The following PTPRT variants were observed in gnomAD, a reference collection of about 807,000 sequenced individuals.
PTPRT encodes protein tyrosine phosphatase receptor type T.
A neutral mutation model predicts 176.8 loss-of-function variants in PTPRT; 56 were observed. That is an observed-to-expected ratio of 0.32 (90% CI 0.26 to 0.40). The LOEUF (loss-of-function observed/expected upper bound fraction) is 0.40. PTPRT is among the 10% of genes least tolerant of loss of function. The pLI, the probability that PTPRT is intolerant of heterozygous loss-of-function variation, is 1.00. For synonymous variants in PTPRT, 783 were observed against 739.0 expected (o/e 1.06, Z -0.96); for missense variants, 1,540 against 1,908.2 (o/e 0.81, Z 3.60).
intron 28 of PTPRT, among the ~76,000 whole-genome samples, 193 bp downstream of exon 28, chr20:42,085,535 C>G (rs73129112): frequency 6.6e-6 from 1 of 152,128 alleles, no homozygotes; most frequent in African/African-American, 2.4e-5. Flanking sequence ...GGATGTCGCT[C>G]GTTGCATCTC....
chr20:42,160,788 C>A (rs1989561976), intron 17 of PTPRT, among the ~76,000 whole-genome samples: 1 of 152,068 alleles, frequency 6.6e-6, no homozygotes, highest in African/African-American at 2.4e-5. Flanking sequence ...GAAAGGGATG[C>A]CCAGTGCAGG....
intron 8 of PTPRT, among the ~76,000 whole-genome samples, chr20:42,470,889 C>T (rs1251927145): frequency 2.0e-5 from 3 of 151,048 alleles, no homozygotes; most frequent in Non-Finnish European, 4.4e-5. Context: ...GGAAGATAAA[C>T]TGCAGGAAGC....
intron 1 of PTPRT, among the ~76,000 whole-genome samples, chr20:42,988,886 T>G (rs370548666): frequency 6.6e-6 from 1 of 152,206 alleles, no homozygotes; most frequent in African/African-American, 2.4e-5. Context: ...AATGATGGAA[T>G]AGTAATAGCT....
At chr20:42,201,950 CGTGT>C (rs11468258) in intron 15 of PTPRT, among the ~76,000 whole-genome samples, 46 of 143,200 alleles carry the variant, frequency 3.2e-4, no homozygotes, top group South Asian at 1.3e-3. Context: ...AGAAAAGTTG[CGTGT>C]GTGTGTGTGT....
intron 16 of PTPRT, among the ~76,000 whole-genome samples, chr20:42,195,265 G>A (rs1003248916): frequency 5.9e-5 from 9 of 152,168 alleles, no homozygotes; most frequent in African/African-American, 4.8e-5. Context: ...CTCAAGGCAC[G>A]TTCTTCTGTA....
At position 42,648,753 on chromosome 20, in the gene PTPRT, C is replaced by T. The variant is rs554796937; in HGVS notation, c.1153+29113G>A. 2.5e-4 allele frequency among the ~76,000 whole-genome samples: 38 copies of T among 151,086 alleles called. No individual in the cohort carries two copies. The South Asian group carries it at 7.8e-3, about 31-fold the overall frequency. The stretch of plus-strand genomic sequence containing the variant: ...CCTGTATCAGTCCATTCTCATGTTA[C>T]TGATAAAGACATACCTAAGAGTGGG... On this transcript the variant is annotated intron_variant, in intron 7 of 30. Transcript: ENST00000373187.
At chr20:42,355,550 G>A (rs921535168) in intron 9 of PTPRT, among the ~76,000 whole-genome samples, 4 of 152,174 alleles carry the variant, frequency 2.6e-5, no homozygotes, top group Non-Finnish European at 5.9e-5. Flanking sequence ...AAAGATCTGG[G>A]ATGGGAAAAG....
chr20:42,305,623 GTGTA>G (rs1233596126), intron 12 of PTPRT, among the ~76,000 whole-genome samples: 1 of 133,744 alleles, frequency 7.5e-6, no homozygotes, highest in Non-Finnish European at 1.6e-5. Flanking sequence ...GTGTGTGTGC[GTGTA>G]TGTGTGTGTG....
chr20:42,827,272 G>C (rs192126807), intron 2 of PTPRT, among the ~76,000 whole-genome samples: 1 of 152,090 alleles, frequency 6.6e-6, no homozygotes, highest in East Asian at 1.9e-4. Flanking sequence ...TCACCACATG[G>C]CACATACTTT....
intron 7 of PTPRT, among the ~76,000 whole-genome samples, chr20:42,616,064 G>GT (rs1398222489): frequency 7.6e-6 from 1 of 131,304 alleles, no homozygotes; most frequent in East Asian, 2.0e-4. Context: ...GGTTTTTATG[G>GT]TTTTAGGTCT....
At chr20:42,874,743 A>G (rs558988178) in intron 2 of PTPRT, among the ~76,000 whole-genome samples, 1 of 152,290 alleles carries the variant, frequency 6.6e-6, no homozygotes, top group South Asian at 2.1e-4. Context: ...TCCAGCTCAC[A>G]GTGTTGTTGA....
chr20:43,055,020 G>A (rs1172921344), intron 1 of PTPRT, among the ~76,000 whole-genome samples: 1 of 152,146 alleles, frequency 6.6e-6, no homozygotes, highest in East Asian at 1.9e-4. Flanking sequence ...GATTGGTCTT[G>A]ATCACTCCTG....
intron 3 of PTPRT, among the ~76,000 whole-genome samples, chr20:42,787,167 G>A (rs2077303610): frequency 6.6e-6 from 1 of 152,156 alleles, no homozygotes; most frequent in Admixed American, 6.5e-5. Flanking sequence ...TACAAAATGA[G>A]GATAAACCTA....
chr20:42,443,936 G>T (rs968756266), intron 9 of PTPRT, among the ~76,000 whole-genome samples: 7 of 152,186 alleles, frequency 4.6e-5, no homozygotes, highest in African/African-American at 7.2e-5. Flanking sequence ...ATGTTTCCAG[G>T]ATGCTTGTGT....
At chr20:42,674,720 GC>G (rs1284988260) in intron 7 of PTPRT, among the ~76,000 whole-genome samples, 1 of 152,058 alleles carries the variant, frequency 6.6e-6, no homozygotes, top group African/African-American at 2.4e-5. Flanking sequence ...TTTACCAAAG[GC>G]CTGTTTTGAA....
At chr20:42,706,179 TTGTGTGTG>T (rs369232610) in intron 6 of PTPRT, among the ~76,000 whole-genome samples, 5,804 of 123,506 alleles carry the variant, frequency 0.047, 385 homozygotes, top group African/African-American at 0.14. Context: ...CTCTCTCTGT[TTGTGTGTG>T]TGTGTGTGTG....
intron 1 of PTPRT, among the ~76,000 whole-genome samples, chr20:43,052,515 G>A (rs1987086180): frequency 1.3e-5 from 2 of 152,240 alleles, no homozygotes; most frequent in South Asian, 2.1e-4. Context: ...GCAAATAATT[G>A]CACAATTCTG....
intron 2 of PTPRT, among the ~76,000 whole-genome samples, chr20:42,884,996 A>C (rs1265780294): frequency 6.6e-6 from 1 of 152,006 alleles, no homozygotes; most frequent in Admixed American, 6.6e-5. Context: ...ACTTCCCCTG[A>C]AACATATCAG....
At chr20:42,913,984 C>T (rs1345495785) in intron 1 of PTPRT, among the ~76,000 whole-genome samples, 1 of 152,156 alleles carries the variant, frequency 6.6e-6, no homozygotes, top group East Asian at 1.9e-4. Flanking sequence ...ATTTTCCTTA[C>T]AATTGTAAGA....
Sources: gnomAD v4.1 joint callset for allele counts (sites outside exome capture counted in the v4.1 genomes callset) on GRCh38, gnomAD v4.1.1 for gene constraint, MANE v1.5 for transcripts, NCBI Gene and HGNC (gene_info 2026-07-23, HGNC 2026-07-21) for gene names.